Variants in FGF13 observed in about 807,000 individuals in gnomAD.
The protein encoded by FGF13 is fibroblast growth factor homologous factor 2.
A neutral mutation model predicts 19.5 loss-of-function variants in FGF13; 2 were observed. The ratio of observed to expected loss-of-function variants is 0.10; its 90% CI spans 0.04 to 0.32. The LOEUF is 0.32. Among genes scored for constraint, FGF13 ranks in the 10% least tolerant of loss-of-function variants. The pLI, the probability that FGF13 is intolerant of heterozygous loss-of-function variation, is 1.00. For synonymous variants in FGF13, 72 were observed against 76.9 expected (o/e 0.94, Z 0.33); for missense variants, 113 against 192.7 (o/e 0.59, Z 2.45).
At chrX:138,747,227 C>T (rs1355720100) in intron 3 of FGF13, among the ~76,000 whole-genome samples, 1 of 111,737 alleles carries the variant, frequency 8.9e-6, no homozygotes, top group East Asian at 2.8e-4. Flanking sequence ...TTACTGGGGG[C>T]CAATGTGTAG....
Position 138,621,268 on chromosome X carries a change from T to C in FGF13, c.*11582A>G, listed in dbSNP as rs1288489552. 1 of 111,763 alleles carries C rather than the reference T, an allele frequency of 8.9e-6. No individual in the cohort carries two copies. Among genetic ancestry groups the C allele is most frequent in the African/African-American group, 3.3e-5 (1 of 30,747 alleles). The allele number at this position is 111,763 out of a possible 1,213,427, so 9.2% of individuals were successfully genotyped here. A position where few individuals can be genotyped will look rare whatever the true frequency, so the allele number is the denominator to read the frequency against. On this transcript the variant is annotated 3_prime_UTR_variant, in exon 5 of 5. Coordinates refer to ENST00000315930, the MANE Select transcript of FGF13 (RefSeq NM_004114.5). ...AACAAAACTAAGAAGATTGAAATCATACCAAATATCTTTTCTGACCACAAT... is the reference window on the plus strand; with the variant it reads ...AACAAAACTAAGAAGATTGAAATCACACCAAATATCTTTTCTGACCACAAT...
chrX:138,954,095 CGAGAGAGAGAGA>C (rs199755534), intron 1 of FGF13, among the ~76,000 whole-genome samples: 1 of 94,170 alleles, frequency 1.1e-5, no homozygotes, highest in African/African-American at 3.9e-5. Flanking sequence ...GTAAATTTAA[CGAGAGAGAGAGA>C]GAGAGAGAGA....
intron 1 of FGF13, among the ~76,000 whole-genome samples, chrX:138,974,969 T>C (rs947457319): frequency 3.7e-4 from 42 of 112,335 alleles, no homozygotes; most frequent in African/African-American, 1.3e-3. Context: ...GATTTCAATT[T>C]CTTTTGTGGT....
At chrX:138,947,299 C>CT (rs1467822357) in intron 1 of FGF13, among the ~76,000 whole-genome samples, 3 of 110,639 alleles carry the variant, frequency 2.7e-5, no homozygotes, top group South Asian at 3.8e-4. Flanking sequence ...CAAAAAAAAA[C>CT]TTTTTTTTCA....
intron 1 of FGF13, among the ~76,000 whole-genome samples, chrX:139,008,556 G>A (rs1327695572): frequency 1.8e-5 from 2 of 111,972 alleles, no homozygotes; most frequent in African/African-American, 6.5e-5. Context: ...GTACCAACCC[G>A]GAGCCTGGTA....
intron 1 of FGF13, among the ~76,000 whole-genome samples, chrX:138,908,539 T>A (rs1325461478): frequency 9.0e-6 from 1 of 110,549 alleles, no homozygotes; most frequent in African/African-American, 3.3e-5. Context: ...AGTTTTCCCA[T>A]CTGTAAAAGG....
At chrX:139,037,369 T>TA (rs950355420) in intron 1 of FGF13, among the ~76,000 whole-genome samples, 3 of 110,585 alleles carry the variant, frequency 2.7e-5, no homozygotes, top group Non-Finnish European at 3.8e-5. Context: ...TTGACAGTAG[T>TA]AAAAAACAGT....
chrX:138,953,600 G>A (rs2091825707), intron 1 of FGF13, among the ~76,000 whole-genome samples: 1 of 111,503 alleles, frequency 9.0e-6, no homozygotes, highest in African/African-American at 3.3e-5. Context: ...GAAAACATCT[G>A]TCTGCAAAAA....
intron 1 of FGF13, among the ~76,000 whole-genome samples, chrX:138,892,807 A>T (rs1319395549): frequency 9.1e-6 from 1 of 109,938 alleles, no homozygotes; most frequent in African/African-American, 3.3e-5. Flanking sequence ...TTGAGAATTC[A>T]AGGGGAGCAT....
chrX:139,132,838 A>G (rs2083770724), intron 1 of FGF13, among the ~76,000 whole-genome samples: 1 of 112,185 alleles, frequency 8.9e-6, no homozygotes. Flanking sequence ...TGCTATTTAA[A>G]CTCAGGAACA....
chrX:138,654,836 T>C (rs373579416), intron 3 of FGF13, among the ~76,000 whole-genome samples: 13 of 111,332 alleles, frequency 1.2e-4, no homozygotes, highest in East Asian at 5.6e-4. Context: ...TTTGGTAAAC[T>C]TTGCTTTTCT....
chrX:139,010,279 A>T (rs1046570099), intron 1 of FGF13, among the ~76,000 whole-genome samples: 1 of 111,671 alleles, frequency 9.0e-6, no homozygotes, highest in Admixed American at 9.5e-5. Flanking sequence ...TGATGGACTT[A>T]AACTATAGCC....
In FGF13 at chrX:139,095,217, T is replaced by C. The variant is rs190724343; in HGVS notation, c.-113+108199A>G. Among the ~76,000 whole-genome samples the C allele has an allele frequency of 7.1e-5, 8 of 111,939 alleles. 1 individual carries two copies. Among genetic ancestry groups the C allele is most frequent in the African/African-American group, 2.3e-4 (7 of 30,804 alleles). ...CTACCTGACAAAGCAGAGACTTGTT[T>C]CTGAAAAAAAGTTCCAGATCCTTTC... On this transcript the variant is annotated intron_variant, in intron 1 of 2. Coordinates refer to the FGF13 transcript ENST00000421460.
intron 3 of FGF13, among the ~76,000 whole-genome samples, chrX:138,758,839 A>G (rs144361187): frequency 8.6e-4 from 97 of 112,269 alleles, no homozygotes; most frequent in African/African-American, 2.9e-3. Context: ...CTCCACAATC[A>G]ATTATTTGGC....
At chrX:139,058,793 T>C (rs1320792447) in intron 1 of FGF13, among the ~76,000 whole-genome samples, 1 of 111,596 alleles carries the variant, frequency 9.0e-6, no homozygotes, top group Non-Finnish European at 1.9e-5. Context: ...AATTCAGCCA[T>C]GCTCTTTCGT....
chrX:139,114,997 G>C (rs1408078991), intron 1 of FGF13, among the ~76,000 whole-genome samples: 3 of 111,924 alleles, frequency 2.7e-5, no homozygotes, highest in African/African-American at 6.5e-5. Context: ...TTCATGTTAA[G>C]TCTCTGAGCT....
chrX:138,809,683 G>T (rs939021076), intron 3 of FGF13, among the ~76,000 whole-genome samples: 2 of 111,530 alleles, frequency 1.8e-5, no homozygotes, highest in African/African-American at 6.5e-5. Flanking sequence ...ACATGATTGT[G>T]TATTTAGAAA....
At chrX:138,737,263 G>A (rs1328236848) in intron 1 of FGF13, among the ~76,000 whole-genome samples, 1 of 111,724 alleles carries the variant, frequency 9.0e-6, no homozygotes, top group African/African-American at 3.3e-5. Context: ...AAGGGTTGAA[G>A]TGTTTTCCCG....
At chrX:139,096,005 G>T (rs1221608162) in intron 1 of FGF13, among the ~76,000 whole-genome samples, 6 of 111,587 alleles carry the variant, frequency 5.4e-5, no homozygotes, top group Non-Finnish European at 1.1e-4. Context: ...GGTGAAGGGG[G>T]AATTCTGGGG....
Sources: allele counts gnomAD v4.1 joint callset (sites outside exome capture counted in the v4.1 genomes callset), GRCh38; gene constraint gnomAD v4.1.1; transcripts MANE v1.5; gene names NCBI Gene and HGNC (gene_info 2026-07-23, HGNC 2026-07-21).